Variants in OPCML observed in about 807,000 individuals in gnomAD.
The protein encoded by OPCML is opioid-binding protein/cell adhesion molecule.
A neutral mutation model predicts 37.8 loss-of-function variants in OPCML; 13 were observed. That is an observed-to-expected ratio of 0.34 (90% confidence interval 0.22 to 0.55). The LOEUF (loss-of-function observed/expected upper bound fraction) is 0.55, where lower values mean the gene tolerates loss of function less well. Ranked by LOEUF, OPCML falls within the 20% of genes least tolerant of loss-of-function variation. OPCML has a pLI of 0.91. For missense variants in OPCML, 341 were observed against 435.6 expected, an observed-to-expected ratio of 0.78 and a Z score of 1.93; for synonymous variants, 176 against 168.8, an observed-to-expected ratio of 1.04 and a Z score of -0.33.
At chr11:133,515,694 G>C (rs926125954) in intron 1 of OPCML, among the ~76,000 whole-genome samples, 1 of 152,002 alleles carries the variant, frequency 6.6e-6, no homozygotes, top group Non-Finnish European at 1.5e-5. Flanking sequence ...GGTGCATCAA[G>C]AGGGAAAGGA....
intron 1 of OPCML, among the ~76,000 whole-genome samples, chr11:133,186,163 G>T (rs184707634): frequency 7.9e-5 from 12 of 152,280 alleles, no homozygotes; most frequent in African/African-American, 2.9e-4. Flanking sequence ...CTCAAAAGTA[G>T]TCCCACTCTG....
chr11:132,663,993 C>T (rs967307251), intron 2 of OPCML, among the ~76,000 whole-genome samples: 4 of 152,164 alleles, frequency 2.6e-5, no homozygotes, highest in East Asian at 1.9e-4. Context: ...CCACCACGCC[C>T]GGCTAATTTT....
At chr11:133,392,300 C>T (rs987521041) in intron 1 of OPCML, among the ~76,000 whole-genome samples, 2 of 152,200 alleles carry the variant, frequency 1.3e-5, no homozygotes, top group African/African-American at 4.8e-5. Context: ...ATCCGAGCCA[C>T]TAATGAACTT....
In OPCML at chr11:132,418,956, C is replaced by T. The variant is rs2095947917; in HGVS notation, c.*1237G>A. On this transcript the variant is annotated 3_prime_UTR_variant, in exon 8 of 8. Coordinates refer to ENST00000524381, the MANE Select transcript of OPCML (RefSeq NM_001012393.5). Reference sequence around the variant, plus strand: ...TCCCAAGAAAGTGTTTTAGAAAACACAGGCTCTTCTGGGAATAGTGAGTGA... The same window carrying T: ...TCCCAAGAAAGTGTTTTAGAAAACATAGGCTCTTCTGGGAATAGTGAGTGA... 1 of 152,640 alleles carries T rather than the reference C, an allele frequency of 6.6e-6. No homozygotes were observed. 9.5% of individuals were successfully genotyped at this position (152,640 alleles called of 1,614,324 possible). A position where few individuals can be genotyped will look rare whatever the true frequency, so the allele number is the denominator to read the frequency against.
chr11:132,861,053 A>T (rs1225961337), intron 2 of OPCML, among the ~76,000 whole-genome samples: 1 of 152,220 alleles, frequency 6.6e-6, no homozygotes, highest in Non-Finnish European at 1.5e-5. Context: ...AATTCACTGT[A>T]TCTCATTTAA....
chr11:133,213,222 AGT>A (rs1491430602), intron 1 of OPCML, among the ~76,000 whole-genome samples: 1 of 96,216 alleles, frequency 1.0e-5, no homozygotes, highest in Non-Finnish European at 2.0e-5. Flanking sequence ...ATTCATAATG[AGT>A]TTTTTTTTTT....
At position 132,545,249 on chromosome 11, in the gene OPCML, G is replaced by A. The variant is rs562115098; in HGVS notation, c.380-16063C>T. ...CATGATTATGGAGCTGTGAAGTGGC[G>A]AGATTTGGAAAGAATATTTTTTCTT... On this transcript the variant is annotated intron_variant, in intron 3 of 7. Transcript: ENST00000524381. Among the ~76,000 whole-genome samples, 171 of 152,248 alleles carry A rather than the reference G, an allele frequency of 1.1e-3. 1 individual carries two copies. Among genetic ancestry groups the A allele is most frequent in the South Asian group, 1.9e-3 (9 of 4,818 alleles).
chr11:132,937,151 C>T lies in OPCML; in HGVS notation c.146+5775G>A, dbSNP rs547312810. 5.3e-5 allele frequency among the ~76,000 whole-genome samples: 8 copies of T among 152,224 alleles called. No homozygotes were observed. The East Asian group carries it at 1.2e-3, about 22-fold the overall frequency. ...AAATGAGACCTGCTTGACTCTTCCC[C>T]TCCACTGCATCTTGCTGCCGGATCC... On this transcript the variant is annotated intron_variant, in intron 2 of 7. Coordinates refer to ENST00000524381, the MANE Select transcript of OPCML (RefSeq NM_001012393.5).
chr11:133,387,566 GAAGTT>G (rs553083439), intron 1 of OPCML, among the ~76,000 whole-genome samples: 3 of 152,328 alleles, frequency 2.0e-5, no homozygotes, highest in African/African-American at 7.2e-5. Flanking sequence ...GTAAACTTGA[GAAGTT>G]AATTCACTCC....
chr11:132,618,800 C>T (rs556616847), intron 3 of OPCML, among the ~76,000 whole-genome samples: 54 of 152,218 alleles, frequency 3.5e-4, no homozygotes, highest in Middle Eastern at 3.4e-3. Context: ...ATCATTCCAA[C>T]CTCATTTAAT....
chr11:133,006,175 G>GA, intron 1 of OPCML: 1 of 948,782 alleles, frequency 1.1e-6, no homozygotes, highest in Non-Finnish European at 1.3e-6. Flanking sequence ...TCGAGCCTTG[G>GA]GAAGTTCGCG....
intron 1 of OPCML, among the ~76,000 whole-genome samples, chr11:133,482,229 A>G (rs1947387925): frequency 6.6e-6 from 1 of 152,162 alleles, no homozygotes; most frequent in Non-Finnish European, 1.5e-5. Context: ...TGGGAGGACA[A>G]TGATGCCAAC....
Position 133,520,267 on chromosome 11 carries a change from A to G in OPCML, c.61+11997T>C, listed in dbSNP as rs752250601. 4.6e-5 allele frequency among the ~76,000 whole-genome samples: 7 copies of G among 152,128 alleles called. No individual in the cohort carries two copies. The South Asian group carries it at 1.2e-3, about 27-fold the overall frequency. ...TGGGAGGTTCCTGGTCTCAAGGGCC[A>G]TTTTCAGAACTACAGGCCACCTCAC... is the stretch of plus-strand genomic sequence containing the variant. On this transcript the variant is annotated intron_variant, in intron 1 of 7. Coordinates refer to ENST00000524381, the MANE Select transcript of OPCML (RefSeq NM_001012393.5).
chr11:133,227,986 G>A (rs1428007620), intron 1 of OPCML, among the ~76,000 whole-genome samples: 1 of 152,202 alleles, frequency 6.6e-6, no homozygotes, highest in Non-Finnish European at 1.5e-5. Context: ...ACCAAGTCTG[G>A]GAACCTGGGG....
chr11:133,242,097 C>T (rs1354283373), intron 1 of OPCML, among the ~76,000 whole-genome samples: 2 of 152,076 alleles, frequency 1.3e-5, no homozygotes, highest in Non-Finnish European at 2.9e-5. Context: ...TTGAATCCTC[C>T]CCACTCCTTG....
intron 4 of OPCML, among the ~76,000 whole-genome samples, chr11:132,463,003 A>G (rs999302105): frequency 1.3e-5 from 2 of 152,212 alleles, no homozygotes; most frequent in African/African-American, 2.4e-5. Flanking sequence ...CAGAAGTGAT[A>G]GAACTTCTCC....
chr11:133,381,020 A>G (rs1944917501), intron 1 of OPCML, among the ~76,000 whole-genome samples: 1 of 152,210 alleles, frequency 6.6e-6, no homozygotes, highest in African/African-American at 2.4e-5. Context: ...CGCAGGAAAT[A>G]GGGTTAAATG....
At chr11:132,777,480 T>C (rs1221639658) in intron 2 of OPCML, among the ~76,000 whole-genome samples, 1 of 152,224 alleles carries the variant, frequency 6.6e-6, no homozygotes, top group Non-Finnish European at 1.5e-5. Flanking sequence ...ACAGTCATTC[T>C]GGGGCAGGTG....
chr11:132,834,177 A>C (rs946466527), intron 2 of OPCML, among the ~76,000 whole-genome samples: 5 of 152,182 alleles, frequency 3.3e-5, no homozygotes, highest in African/African-American at 1.2e-4. Flanking sequence ...CAGGCAAAGG[A>C]AGAGAATTAC....
Sources: gnomAD v4.1 joint callset for allele counts (sites outside exome capture counted in the v4.1 genomes callset) on GRCh38, gnomAD v4.1.1 for gene constraint, MANE v1.5 for transcripts, NCBI Gene and HGNC (gene_info 2026-07-23, HGNC 2026-07-21) for gene names.